Variants in IL20RA observed in about 807,000 individuals in gnomAD.
The protein encoded by IL20RA is interleukin-20 receptor subunit alpha.
In IL20RA, 29 loss-of-function variants were observed where a neutral mutation model predicts 36.5. The observed-to-expected ratio is 0.79, with a 90% CI of 0.59 to 1.08. The LOEUF is 1.08. Among genes scored for constraint, IL20RA ranks in the 50% least tolerant of loss-of-function variants. IL20RA has a pLI of 0.00. For missense variants in IL20RA, 652 were observed against 668.4 expected, an observed-to-expected ratio of 0.98 and a Z score of 0.27; for synonymous variants, 279 against 267.1, an observed-to-expected ratio of 1.04 and a Z score of -0.43.
At chr6:137,027,703 C>T (rs903555809) in intron 1 of IL20RA, among the ~76,000 whole-genome samples, 1 of 152,334 alleles carries the variant, frequency 6.6e-6, no homozygotes, top group Middle Eastern at 3.4e-3. Flanking sequence ...AGGAATTATT[C>T]GCTCAGTATT....
At chr6:137,040,306 G>A (rs569355078) in intron 1 of IL20RA, among the ~76,000 whole-genome samples, 16 of 151,928 alleles carry the variant, frequency 1.1e-4, no homozygotes, top group Non-Finnish European at 1.9e-4. Flanking sequence ...ATAGATGTGT[G>A]TGTATAACTA....
intron 5 of IL20RA, among the ~76,000 whole-genome samples, chr6:137,007,604 T>C (rs1775323900): frequency 6.6e-6 from 1 of 152,232 alleles, no homozygotes; most frequent in Non-Finnish European, 1.5e-5. Context: ...CCTCTCACTG[T>C]GAAGGCAGAA....
chr6:137,043,253 T>G (rs753836848), intron 1 of IL20RA, among the ~76,000 whole-genome samples: 3 of 152,016 alleles, frequency 2.0e-5, no homozygotes, highest in African/African-American at 7.3e-5. Flanking sequence ...GTCTGGCTAG[T>G]TTTTTATTTT....
chr6:137,021,324 G>C (rs1775896092), intron 1 of IL20RA, among the ~76,000 whole-genome samples: 1 of 152,030 alleles, frequency 6.6e-6, no homozygotes, highest in Non-Finnish European at 1.5e-5. Context: ...CTTTGGATTA[G>C]TTCTGGTTTC....
chr6:137,040,849 A>G lies in IL20RA; in HGVS notation c.88+3792T>C, dbSNP rs114852954. Among the ~76,000 whole-genome samples, 423 of 152,328 alleles carry G rather than the reference A, an allele frequency of 2.8e-3. 4 individuals are homozygous for G. Among genetic ancestry groups the G allele is most frequent in the African/African-American group, 8.8e-3 (366 of 41,584 alleles). Reference sequence around the variant, plus strand: ...CAGTCAAAATCCACCGATAGATACTAAAAATAGTTGGGTGTGAGTTTGGGG... The same window carrying G: ...CAGTCAAAATCCACCGATAGATACTGAAAATAGTTGGGTGTGAGTTTGGGG... On this transcript the variant is annotated intron_variant, in intron 1 of 6. Coordinates refer to ENST00000316649, the MANE Select transcript of IL20RA (RefSeq NM_014432.4).
chr6:137,029,021 C>T (rs1776185795), intron 1 of IL20RA, among the ~76,000 whole-genome samples: 1 of 152,164 alleles, frequency 6.6e-6, no homozygotes, highest in African/African-American at 2.4e-5. Flanking sequence ...ATATTCTGAT[C>T]AGTGCGTGCC....
Position 137,011,453 on chromosome 6 carries a change from C to G in IL20RA, c.225-1G>C. The G allele has an allele frequency of 6.2e-7, 1 of 1,605,924 alleles. No individual in the cohort carries two copies. Among genetic ancestry groups the G allele is most frequent in the Admixed American group, 1.7e-5 (1 of 59,478 alleles). On this transcript the variant is annotated splice_acceptor_variant, in intron 2 of 6. Transcript: ENST00000316649. LOFTEE classifies it high-confidence loss of function. ...ATTCAGCCATTTCTTTTGCCCATAT[C>G]TGCTAAGAAAGAAGCTGAATTAATA...
At chr6:137,011,473 TTAA>T in intron 2 of IL20RA, 21 bp from the exon 3 acceptor site, 1 of 1,577,572 alleles carries the variant, frequency 6.3e-7, no homozygotes, top group Non-Finnish European at 8.7e-7. Context: ...AGAAGCTGAA[TTAA>T]TAATGAGGTG....
At chr6:137,020,560 GTTCT>G (rs1256487549) in intron 1 of IL20RA, among the ~76,000 whole-genome samples, 5 of 149,236 alleles carry the variant, frequency 3.4e-5, no homozygotes, top group African/African-American at 7.4e-5. Context: ...TTTGAGAAAT[GTTCT>G]TTCTAATAGT....
Position 137,020,093 on chromosome 6 carries a change from TG to T in IL20RA, c.89-2991del, listed in dbSNP as rs1317300089. Reference sequence around the variant, plus strand: ...GGCTTCTGTCTTGTTTTCTTTGTCTTGGATCATTTGCATGGGCAACACCAGC... The same window carrying T: ...GGCTTCTGTCTTGTTTTCTTTGTCTTGATCATTTGCATGGGCAACACCAGC... On this transcript the variant is annotated intron_variant, in intron 1 of 6. Transcript: ENST00000316649. 4.6e-5 allele frequency among the ~76,000 whole-genome samples: 7 copies of T among 152,378 alleles called. 1 individual carries two copies. The highest frequency in any genetic ancestry group is 4.6e-4 in the Admixed American group (7 of 15,312).
intron 1 of IL20RA, among the ~76,000 whole-genome samples, chr6:137,026,865 G>C (rs1414569292): frequency 1.5e-4 from 23 of 151,456 alleles, no homozygotes; most frequent in Admixed American, 1.4e-3. Context: ...TATATATCAA[G>C]TTCCCACAAA....
chr6:137,016,367 T>C (rs909854508), intron 2 of IL20RA, among the ~76,000 whole-genome samples: 7 of 152,196 alleles, frequency 4.6e-5, no homozygotes, highest in African/African-American at 1.7e-4. Flanking sequence ...TCATTTCCTG[T>C]GGTTGGAGCT....
intron 5 of IL20RA, among the ~76,000 whole-genome samples, chr6:137,005,755 A>C (rs1041266935): frequency 6.6e-6 from 1 of 152,098 alleles, no homozygotes; most frequent in East Asian, 1.9e-4. Context: ...CATCCAATCA[A>C]TTGAAGACTT....
chr6:137,044,040 T>C, intron 1 of IL20RA: 1 of 899,810 alleles, frequency 1.1e-6, no homozygotes, highest in Non-Finnish European at 1.3e-6. Context: ...TATCTGTACA[T>C]GGTCATAACT....
At chr6:137,037,062 G>A (rs1377460862) in intron 1 of IL20RA, among the ~76,000 whole-genome samples, 1 of 152,158 alleles carries the variant, frequency 6.6e-6, no homozygotes, top group Non-Finnish European at 1.5e-5. Context: ...AAATGCAAAT[G>A]TAGCTGTATG....
At chr6:137,004,174 T>TGTTTTTTTTTTTGG (rs548602821) in intron 6 of IL20RA, among the ~76,000 whole-genome samples, 1 of 124,450 alleles carries the variant, frequency 8.0e-6, no homozygotes, top group African/African-American at 3.1e-5. Context: ...TTTTTTTTTT[T>TGTTTTTTTTTTTGG]TTTTTTTTTT....
Position 137,001,522 on chromosome 6 carries a change from T to G in IL20RA, c.*36A>C. ...GGATCAAAGGGGTGACTCACTTGTT[T>G]GCACAGGAAACAAAAGGCAAAAGGA... On this transcript the variant is annotated 3_prime_UTR_variant, in exon 7 of 7. Transcript: ENST00000316649. The G allele has an allele frequency of 6.6e-7, 1 of 1,507,140 alleles. No homozygotes were observed. Among genetic ancestry groups the G allele is most frequent in the Non-Finnish European group, 8.9e-7 (1 of 1,125,710 alleles). The allele number at this position is 1,507,140 out of a possible 1,614,324, so 93.4% of individuals were successfully genotyped here. A position where few individuals can be genotyped will look rare whatever the true frequency, so the allele number is the denominator to read the frequency against.
intron 1 of IL20RA, among the ~76,000 whole-genome samples, chr6:137,021,384 G>T (rs1775897812): frequency 6.6e-6 from 1 of 151,852 alleles, no homozygotes; most frequent in Admixed American, 6.6e-5. Flanking sequence ...TAATGTTGTG[G>T]CCAGGCGTGG....
At chr6:137,038,592 A>G (rs1037202217) in intron 1 of IL20RA, among the ~76,000 whole-genome samples, 1 of 152,242 alleles carries the variant, frequency 6.6e-6, no homozygotes, top group East Asian at 1.9e-4. Context: ...TATGTCATAA[A>G]CTGTAGACTA....
Sources: gnomAD v4.1 joint callset for allele counts (sites outside exome capture counted in the v4.1 genomes callset) on GRCh38, gnomAD v4.1.1 for gene constraint, MANE v1.5 for transcripts, NCBI Gene and HGNC (gene_info 2026-07-23, HGNC 2026-07-21) for gene names.